TLL1: variants seen among roughly 807,000 people sequenced by gnomAD.
TLL1 encodes tolloid like 1.
In TLL1, 49 loss-of-function variants were observed where a neutral mutation model predicts 128.2. The observed-to-expected ratio is 0.38, with a 90% CI of 0.30 to 0.48. The LOEUF is 0.48. Ranked by LOEUF, TLL1 falls within the 20% of genes least tolerant of loss-of-function variation. TLL1 has a pLI of 0.96. For synonymous variants in TLL1, 454 were observed against 418.8 expected, an observed-to-expected ratio of 1.08 and a Z score of -1.03; for missense variants, 1,123 against 1,242.0, an observed-to-expected ratio of 0.90 and a Z score of 1.44.
At chr4:166,029,458 C>G (rs1016839957) in intron 9 of TLL1, among the ~76,000 whole-genome samples, 2 of 151,878 alleles carry the variant, frequency 1.3e-5, no homozygotes, top group African/African-American at 4.8e-5. Flanking sequence ...TGTGCAAATG[C>G]TACCATGGAT....
chr4:165,967,412 G>A (rs893510365), intron 1 of TLL1, among the ~76,000 whole-genome samples: 7 of 152,162 alleles, frequency 4.6e-5, no homozygotes, highest in Admixed American at 4.6e-4. Context: ...AGTGACAAAT[G>A]TCCATGAAAT....
intron 8 of TLL1, among the ~76,000 whole-genome samples, chr4:166,015,201 A>C (rs1013874882): frequency 2.0e-5 from 3 of 152,042 alleles, no homozygotes; most frequent in Non-Finnish European, 4.4e-5. Flanking sequence ...ATGTACCTCC[A>C]GTATACTCAC....
chr4:165,990,876 T>C (rs1736607542), intron 2 of TLL1, among the ~76,000 whole-genome samples: 2 of 151,950 alleles, frequency 1.3e-5, no homozygotes, highest in Admixed American at 1.3e-4. Context: ...CTAAAACATA[T>C]ATCAGTATGG....
At chr4:165,970,650 A>T (rs971032443) in intron 1 of TLL1, among the ~76,000 whole-genome samples, 36 of 152,082 alleles carry the variant, frequency 2.4e-4, no homozygotes, top group African/African-American at 8.7e-4. Context: ...TTTCCCGCAT[A>T]CTCTAAAATA....
chr4:166,069,179 T>C (rs940524346), intron 16 of TLL1, among the ~76,000 whole-genome samples: 1 of 151,822 alleles, frequency 6.6e-6, no homozygotes, highest in Admixed American at 6.6e-5. Flanking sequence ...GTGTATTTAA[T>C]TGAGTTAAAT....
At chr4:166,081,091 A>G (rs1218863647) in intron 18 of TLL1, among the ~76,000 whole-genome samples, 1 of 152,072 alleles carries the variant, frequency 6.6e-6, no homozygotes, top group East Asian at 1.9e-4. Context: ...CTCTGTCTAT[A>G]TATCTTATGA....
At chr4:166,065,598 G>A (rs1242106166) in intron 15 of TLL1, 85 bp from the exon 16 acceptor site, 2 of 1,484,700 alleles carry the variant, frequency 1.3e-6, no homozygotes, top group Non-Finnish European at 1.9e-6. Context: ...AGTAAAATGG[G>A]AAAAATAAGA....
chr4:165,924,001 TAA>T (rs1733162537), intron 1 of TLL1, among the ~76,000 whole-genome samples: 2 of 152,180 alleles, frequency 1.3e-5, no homozygotes, highest in Admixed American at 1.3e-4. Context: ...CATGCCCATA[TAA>T]GACAGAGAAC....
At chr4:165,951,313 G>T (rs1454220782) in intron 1 of TLL1, among the ~76,000 whole-genome samples, 2 of 152,056 alleles carry the variant, frequency 1.3e-5, no homozygotes, top group Non-Finnish European at 1.5e-5. Context: ...TAAGGAATTC[G>T]AATGAGAAAA....
At chr4:166,099,134 C>A in intron 19 of TLL1, 143 bp from the exon 20 acceptor site, 1 of 1,326,860 alleles carries the variant, frequency 7.5e-7, no homozygotes, top group East Asian at 2.4e-5. Flanking sequence ...ATCTGACTCT[C>A]CAGTTGTGGA....
At chr4:166,006,582 AT>A (rs1737440014) in intron 6 of TLL1, among the ~76,000 whole-genome samples, 1 of 151,766 alleles carries the variant, frequency 6.6e-6, no homozygotes, top group South Asian at 2.1e-4. Flanking sequence ...GATTTGTTAT[AT>A]TAGACTTCAG....
At chr4:166,051,920 A>G (rs1739758328) in intron 12 of TLL1, among the ~76,000 whole-genome samples, 1 of 152,188 alleles carries the variant, frequency 6.6e-6, no homozygotes, top group South Asian at 2.1e-4. Context: ...ATTTAACCCT[A>G]TAATTAGCTA....
In TLL1 at chr4:166,077,899, GC is replaced by G. The variant is rs1384948862; in HGVS notation, c.2315-3del. On this transcript the variant is annotated splice_region_variant and splice_polypyrimidine_tract_variant and intron_variant, in intron 17 of 20. Coordinates refer to ENST00000061240, the MANE Select transcript of TLL1 (RefSeq NM_012464.5). ...ACTGTCTGATATTATGGTTATTGGT[GC>G]AGCTGAGTGTGAACAGAAGATCCAC... is the stretch of plus-strand genomic sequence containing the variant. 6.2e-7 allele frequency: 1 copy of G among 1,613,170 alleles called. No individual in the cohort carries two copies. The highest frequency in any genetic ancestry group is 8.5e-7 in the Non-Finnish European group (1 of 1,179,546).
intron 1 of TLL1, among the ~76,000 whole-genome samples, chr4:165,891,338 T>G (rs1579447170): frequency 6.6e-6 from 1 of 152,238 alleles, no homozygotes; most frequent in South Asian, 2.1e-4. Flanking sequence ...AGAAAGTGGG[T>G]TTTCTTTTTC....
chr4:166,005,169 A>G (rs1449526093), intron 6 of TLL1, among the ~76,000 whole-genome samples: 1 of 152,022 alleles, frequency 6.6e-6, no homozygotes, highest in African/African-American at 2.4e-5. Context: ...CATTTGAGAT[A>G]TTGAAATATT....
intron 12 of TLL1, among the ~76,000 whole-genome samples, chr4:166,045,548 C>T (rs929466634): frequency 6.6e-6 from 1 of 152,152 alleles, no homozygotes; most frequent in Non-Finnish European, 1.5e-5. Flanking sequence ...TCTACTCTTG[C>T]TCTGCATATC....
chr4:166,028,920 G>C (rs1738627230), intron 9 of TLL1, among the ~76,000 whole-genome samples: 1 of 151,872 alleles, frequency 6.6e-6, no homozygotes, highest in South Asian at 2.1e-4. Flanking sequence ...TGGATGGCAG[G>C]TTTTGTCTTT....
At chr4:165,876,123 A>G (rs1381264342) in intron 1 of TLL1, among the ~76,000 whole-genome samples, 1 of 152,226 alleles carries the variant, frequency 6.6e-6, no homozygotes, top group African/African-American at 2.4e-5. Flanking sequence ...TGAGAGGGAA[A>G]TAAGAATGGC....
chr4:166,027,406 G>T (rs966209558), intron 9 of TLL1, among the ~76,000 whole-genome samples: 1 of 152,112 alleles, frequency 6.6e-6, no homozygotes. Context: ...ATAACTGAAT[G>T]GTATTAGGAG....
Sources: gnomAD v4.1 joint callset for allele counts (sites outside exome capture counted in the v4.1 genomes callset) on GRCh38, gnomAD v4.1.1 for gene constraint, MANE v1.5 for transcripts, NCBI Gene and HGNC (gene_info 2026-07-23, HGNC 2026-07-21) for gene names.